The following SLC2A9 variants were observed in gnomAD, a reference collection of about 807,000 sequenced individuals.
SLC2A9 encodes the protein solute carrier family 2 member 9.
Under a neutral mutation model 50.6 loss-of-function variants are expected in SLC2A9, and 39 were observed. The ratio of observed to expected loss-of-function variants is 0.77; its 90% CI spans 0.60 to 1.01. The LOEUF (loss-of-function observed/expected upper bound fraction) is 1.01. Among genes scored for constraint, SLC2A9 ranks in the 50% least tolerant of loss-of-function variants. SLC2A9 has a pLI of 0.00. For synonymous variants in SLC2A9, 324 were observed against 276.9 expected (o/e 1.17, Z -1.69); for missense variants, 686 against 677.6 (o/e 1.01, Z -0.14).
chr4:9,805,111 G>T (rs1157422731), intron 3 of SLC2A9, among the ~76,000 whole-genome samples: 1 of 152,216 alleles, frequency 6.6e-6, no homozygotes, highest in African/African-American at 2.4e-5. Flanking sequence ...TGAGTCAGCT[G>T]GGCTAGGCTG....
chr4:9,847,213 G>T (rs1729123958), intron 10 of SLC2A9, among the ~76,000 whole-genome samples: 1 of 152,222 alleles, frequency 6.6e-6, no homozygotes, highest in African/African-American at 2.4e-5. Context: ...TTGACTTACA[G>T]TTCTGCACGG....
intron 1 of SLC2A9, among the ~76,000 whole-genome samples, chr4:9,773,273 C>T (rs1339459178): frequency 1.3e-5 from 2 of 152,196 alleles, no homozygotes; most frequent in African/African-American, 4.8e-5. Flanking sequence ...TCCCCTCTAC[C>T]CTATTCCCTG....
At chr4:9,917,364 G>A (rs1376025591) in intron 7 of SLC2A9, among the ~76,000 whole-genome samples, 1 of 89,636 alleles carries the variant, frequency 1.1e-5, no homozygotes, top group Non-Finnish European at 2.0e-5. Flanking sequence ...ATGGAGTCTT[G>A]CTCTGTGTCC....
intron 10 of SLC2A9, among the ~76,000 whole-genome samples, chr4:9,885,871 G>A (rs1295773619): frequency 1.3e-5 from 2 of 152,230 alleles, no homozygotes; most frequent in Admixed American, 6.5e-5. Context: ...CCATGGCAGA[G>A]GTGAGTAGTT....
chr4:9,818,425 C>A (rs1411844933), intron 3 of SLC2A9, among the ~76,000 whole-genome samples: 1 of 152,234 alleles, frequency 6.6e-6, no homozygotes, highest in Non-Finnish European at 1.5e-5. Flanking sequence ...ATTGCAGTAG[C>A]TGTCAAGACT....
At chr4:9,957,775 A>C (rs1452797532) in intron 5 of SLC2A9, among the ~76,000 whole-genome samples, 1 of 152,184 alleles carries the variant, frequency 6.6e-6, no homozygotes, top group Non-Finnish European at 1.5e-5. Flanking sequence ...GAGATGAAGG[A>C]AAGGACAGAA....
chr4:10,002,820 T>C (rs1760079677), intron 2 of SLC2A9, among the ~76,000 whole-genome samples: 1 of 151,690 alleles, frequency 6.6e-6, no homozygotes, highest in African/African-American at 2.4e-5. Flanking sequence ...GCCACTGCAC[T>C]CCAGCCTGGG....
chr4:10,021,047 A>G (rs1443767295), intron 1 of SLC2A9, among the ~76,000 whole-genome samples: 1 of 152,202 alleles, frequency 6.6e-6, no homozygotes, highest in East Asian at 1.9e-4. Flanking sequence ...CATTCCATGT[A>G]CACACCCAGT....
chr4:9,931,625 T>C (rs997139546), intron 6 of SLC2A9, among the ~76,000 whole-genome samples: 2 of 152,098 alleles, frequency 1.3e-5, no homozygotes, highest in Non-Finnish European at 2.9e-5. Flanking sequence ...GAGTTCATGC[T>C]CTGACCTAGA....
chr4:9,799,701 C>CCCCA (rs1553813271), intron 3 of SLC2A9, among the ~76,000 whole-genome samples: 2 of 33,674 alleles, frequency 5.9e-5, no homozygotes, highest in African/African-American at 1.3e-4. Context: ...TACCCCCCCC[C>CCCCA]CACCCAACTT....
chr4:9,982,482 T>C (rs1218591679), intron 4 of SLC2A9, among the ~76,000 whole-genome samples: 1 of 152,246 alleles, frequency 6.6e-6, no homozygotes, highest in African/African-American at 2.4e-5. Flanking sequence ...TCTGTGGTTT[T>C]GTAAAAGGTC....
chr4:10,003,655 G>A (rs1262534815), intron 2 of SLC2A9, among the ~76,000 whole-genome samples: 1 of 152,198 alleles, frequency 6.6e-6, no homozygotes, highest in Non-Finnish European at 1.5e-5. Flanking sequence ...CCACAAGGCT[G>A]AAGCCAGTGA....
At chr4:9,839,698 C>A (rs545456499) in intron 10 of SLC2A9, among the ~76,000 whole-genome samples, 1 of 152,104 alleles carries the variant, frequency 6.6e-6, no homozygotes, top group East Asian at 1.9e-4. Context: ...GAACTGGAGG[C>A]CATTATCCTA....
rs557798038 is a variant in SLC2A9, at chr4:10,038,783, G to T, written c.-41+1347C>A. Among the ~76,000 whole-genome samples, 5 of 152,252 alleles carry T rather than the reference G, an allele frequency of 3.3e-5. No homozygotes were observed. In the South Asian group the frequency reaches 1.0e-3, roughly 32 times the overall value. On this transcript the variant is annotated intron_variant, in intron 1 of 12. Transcript: ENST00000309065. ...CCTCGGACGGCAAGCTAAGGATCCC[G>T]AACTTGATTCTTAGGCATGGAGGGC...
At chr4:9,884,280 T>A (rs1345235796) in intron 10 of SLC2A9, among the ~76,000 whole-genome samples, 1 of 152,186 alleles carries the variant, frequency 6.6e-6, no homozygotes, top group East Asian at 1.9e-4. Flanking sequence ...ACAATTTTTT[T>A]AGAAAAGAGA....
intron 11 of SLC2A9, among the ~76,000 whole-genome samples, chr4:9,830,708 C>T (rs1415640146): frequency 6.6e-6 from 1 of 152,230 alleles, no homozygotes; most frequent in African/African-American, 2.4e-5. Context: ...CATACATTTG[C>T]ATGCAATTTT....
intron 5 of SLC2A9, among the ~76,000 whole-genome samples, chr4:9,954,037 G>A (rs774041191): frequency 1.3e-5 from 2 of 152,052 alleles, no homozygotes; most frequent in Admixed American, 6.5e-5. Context: ...TCTGACTCCC[G>A]ACCTCAGGTG....
chr4:10,032,811 G>C (rs1007908982), intron 1 of SLC2A9, among the ~76,000 whole-genome samples: 6 of 152,178 alleles, frequency 3.9e-5, no homozygotes, highest in African/African-American at 1.4e-4. Context: ...GAAGTATCTT[G>C]TGGGAAGGTA....
At chr4:9,777,297 C>CTTT (rs71649549), downstream of SLC2A9, among the ~76,000 whole-genome samples, 32 of 141,540 alleles carry the variant, frequency 2.3e-4, no homozygotes, top group Admixed American at 3.5e-4. Context: ...GTCTCTGTTT[C>CTTT]TTTTTTTTTT....
Sources: allele counts gnomAD v4.1 joint callset (sites outside exome capture counted in the v4.1 genomes callset), GRCh38; gene constraint gnomAD v4.1.1; transcripts MANE v1.5; gene names NCBI Gene and HGNC (gene_info 2026-07-23, HGNC 2026-07-21).